POLA1: variants seen among roughly 807,000 people sequenced by gnomAD.
The protein encoded by POLA1 is DNA polymerase alpha 1, catalytic subunit, also known as DNA polymerase alpha catalytic subunit.
In POLA1, 15 loss-of-function variants were observed where a neutral mutation model predicts 124.0. That is an observed-to-expected ratio of 0.12 (90% confidence interval 0.08 to 0.19). The LOEUF is 0.19. Ranked by LOEUF, POLA1 falls within the 10% of genes least tolerant of loss-of-function variation. POLA1 has a pLI of 1.00. For synonymous variants in POLA1, 408 were observed against 389.4 expected, an observed-to-expected ratio of 1.05 and a Z score of -0.56; for missense variants, 886 against 1,103.4, an observed-to-expected ratio of 0.80 and a Z score of 2.79.
In POLA1 at chrX:24,758,415, ATTC is replaced by A. The variant is rs1035434725; in HGVS notation, c.2964+9429_2964+9431del. ...CTTGAGACAAATTCAGAATAACCTT[ATTC>A]TTCTTTCTTAATAGTTGGAAACTAG... On this transcript the variant is annotated intron_variant, in intron 26 of 36. Transcript: ENST00000379068. 4.1e-4 allele frequency among the ~76,000 whole-genome samples: 46 copies of A among 112,021 alleles called. 2 individuals are homozygous for A. The highest frequency in any genetic ancestry group is 1.9e-5 in the Non-Finnish European group (1 of 53,187).
At chrX:24,757,435 A>ATTTTTTTTTTTTTTTTTTTTTTTTTTT (rs1569298336) in intron 26 of POLA1, among the ~76,000 whole-genome samples, 1 of 64,642 alleles carries the variant, frequency 1.5e-5, no homozygotes, top group African/African-American at 1.2e-4. Context: ...AAAATCTGAA[A>ATTTTTTTTTTTTTTTTTTTTTTTTTTT]CTTTTTTTTT....
chrX:24,888,479 T>A (rs2047093215), intron 35 of POLA1, among the ~76,000 whole-genome samples: 1 of 111,144 alleles, frequency 9.0e-6, no homozygotes. Context: ...ATCCTCCCAA[T>A]TCTGTACCCT....
intron 26 of POLA1, among the ~76,000 whole-genome samples, chrX:24,786,616 C>G (rs2045366231): frequency 9.2e-6 from 1 of 108,524 alleles, no homozygotes; most frequent in South Asian, 4.1e-4. Context: ...TCAAGTGATC[C>G]TCCCACTTCA....
chrX:24,944,904 A>G (rs2047943981), intron 36 of POLA1, among the ~76,000 whole-genome samples: 1 of 111,982 alleles, frequency 8.9e-6, no homozygotes, highest in Non-Finnish European at 1.9e-5. Context: ...GCTCTGTAAA[A>G]TGTTTGTTGT....
intron 32 of POLA1, among the ~76,000 whole-genome samples, chrX:24,832,548 G>GT (rs2046278402): frequency 8.9e-6 from 1 of 112,016 alleles, no homozygotes; most frequent in Non-Finnish European, 1.9e-5. Context: ...ACACTTAGAG[G>GT]TTTTAAAGGA....
intron 26 of POLA1, among the ~76,000 whole-genome samples, chrX:24,768,015 A>G (rs1316299099): frequency 8.9e-6 from 1 of 112,767 alleles, no homozygotes; most frequent in Non-Finnish European, 1.9e-5. Flanking sequence ...AGGCAGTCCA[A>G]GCATTCTTAA....
intron 35 of POLA1, among the ~76,000 whole-genome samples, chrX:24,907,381 G>A (rs1422804334): frequency 6.3e-5 from 7 of 110,717 alleles, no homozygotes; most frequent in Non-Finnish European, 1.1e-4. Context: ...TCCTGAGTTG[G>A]GCAGAAGACA....
chrX:24,829,357 C>G (rs2046225066), intron 32 of POLA1, among the ~76,000 whole-genome samples: 1 of 111,571 alleles, frequency 9.0e-6, no homozygotes, highest in Non-Finnish European at 1.9e-5. Flanking sequence ...GTTTTTATAT[C>G]GCGGATGTGT....
At chrX:24,958,308 G>T (rs1338001920) in intron 36 of POLA1, among the ~76,000 whole-genome samples, 2 of 111,623 alleles carry the variant, frequency 1.8e-5, no homozygotes, top group African/African-American at 6.5e-5. Flanking sequence ...CTGTATATAG[G>T]CTCTTCACTT....
At chrX:24,715,542 T>C (rs1225304237) in intron 6 of POLA1, among the ~76,000 whole-genome samples, 6 of 111,950 alleles carry the variant, frequency 5.4e-5, no homozygotes, top group Non-Finnish European at 1.1e-4. Context: ...GATCCGCCTG[T>C]CTTGGCCTCC....
chrX:24,732,665 A>AT lies in POLA1; in HGVS notation c.1771+222dup, dbSNP rs1184066505. Among the ~76,000 whole-genome samples the AT allele has an allele frequency of 3.6e-3, 244 of 67,353 alleles. 2 individuals are homozygous for AT. The highest frequency in any genetic ancestry group is 0.012 in the African/African-American group (213 of 18,088). 58.5% of individuals were successfully genotyped at this position (67,353 alleles called of 115,157 possible). A position where few individuals can be genotyped will look rare whatever the true frequency, so the allele number is the denominator to read the frequency against. On this transcript the variant is annotated intron_variant, in intron 16 of 36. Transcript: ENST00000379068. ...TGGTTGCCTCCTATTCAGCTGGTTCATTTTTTTTTTTCTAGGAGAAGTCTG... is the reference window on the plus strand; with the variant it reads ...TGGTTGCCTCCTATTCAGCTGGTTCATTTTTTTTTTTTCTAGGAGAAGTCTG...
intron 26 of POLA1, among the ~76,000 whole-genome samples, chrX:24,807,532 A>G (rs2048920988): frequency 8.9e-6 from 1 of 112,019 alleles, no homozygotes; most frequent in South Asian, 3.7e-4. Context: ...ACTGTTTTTT[A>G]TGTTAGCTGA....
rs1312790200 is a variant in POLA1, at chrX:24,703,899, T to C, written c.266-490T>C. 2.7e-5 allele frequency among the ~76,000 whole-genome samples: 3 copies of C among 111,865 alleles called. No homozygotes were observed. In the East Asian group the frequency reaches 8.4e-4, roughly 31 times the overall value. On this transcript the variant is annotated intron_variant, in intron 3 of 36. Coordinates refer to ENST00000379068, the MANE Select transcript of POLA1 (RefSeq NM_001330360.2). ...GTCCTGTGCCCCTTCTGAAAGCTCA[T>C]TGGTTCTCACTTGTAGGGTCTGACT...
chrX:24,786,948 A>G (rs2045377652), intron 26 of POLA1, among the ~76,000 whole-genome samples: 1 of 105,987 alleles, frequency 9.4e-6, no homozygotes. Context: ...AGCCGCCCTA[A>G]TTTCTTTTTT....
At chrX:24,971,431 A>G (rs2048301186) in intron 36 of POLA1, among the ~76,000 whole-genome samples, 1 of 112,553 alleles carries the variant, frequency 8.9e-6, no homozygotes, top group African/African-American at 3.2e-5. Flanking sequence ...CAGTTGTACT[A>G]CCCCTACCAG....
At chrX:24,716,756 G>A (rs892724998) in intron 7 of POLA1, 128 bp from the exon 8 acceptor site, 4 of 435,824 alleles carry the variant, frequency 9.2e-6, no homozygotes, top group Non-Finnish European at 1.6e-5. Flanking sequence ...AATAATTGAA[G>A]CTGTTACATT....
At chrX:24,922,553 G>A (rs1354140102) in intron 35 of POLA1, among the ~76,000 whole-genome samples, 1 of 111,782 alleles carries the variant, frequency 8.9e-6, no homozygotes, top group African/African-American at 3.3e-5. Context: ...TGTAGCACAT[G>A]TGAGTGAACC....
intron 35 of POLA1, among the ~76,000 whole-genome samples, chrX:24,901,859 A>G (rs926724352): frequency 8.9e-6 from 1 of 112,022 alleles, no homozygotes; most frequent in Non-Finnish European, 1.9e-5. Context: ...GATCTTGCCT[A>G]TGGACCCCAT....
chrX:24,806,868 A>G (rs989435441), intron 26 of POLA1, among the ~76,000 whole-genome samples: 7 of 111,937 alleles, frequency 6.3e-5, no homozygotes, highest in Admixed American at 4.7e-4. Context: ...ATTATGTTCT[A>G]TTTATACAGT....
Sources: gnomAD v4.1 joint callset for allele counts (sites outside exome capture counted in the v4.1 genomes callset) on GRCh38, gnomAD v4.1.1 for gene constraint, MANE v1.5 for transcripts, NCBI Gene and HGNC (gene_info 2026-07-23, HGNC 2026-07-21) for gene names.